ZMIZ1: variants seen among roughly 807,000 people sequenced by gnomAD.
The protein encoded by ZMIZ1 is zinc finger MIZ domain-containing protein 1.
A neutral mutation model predicts 113.9 loss-of-function variants in ZMIZ1; 17 were observed. The ratio of observed to expected loss-of-function variants is 0.15; its 90% CI spans 0.10 to 0.22. The LOEUF (loss-of-function observed/expected upper bound fraction) is 0.22, where lower values mean the gene tolerates loss of function less well. ZMIZ1 is among the 10% of genes least tolerant of loss of function. The pLI is 1.00. For synonymous variants in ZMIZ1, 607 were observed against 603.1 expected, an observed-to-expected ratio of 1.01 and a Z score of -0.09; for missense variants, 1,059 against 1,477.8, an observed-to-expected ratio of 0.72 and a Z score of 4.65.
In ZMIZ1 at chr10:79,311,178, G is replaced by A. The variant is rs771723915; in HGVS notation, c.3090G>A (p.Ser1030=). Residue 1030 remains serine (S), a synonymous_variant, in exon 24 of 25, where the codon TCG becomes TCA. Coordinates refer to ENST00000334512, the MANE Select transcript of ZMIZ1 (RefSeq NM_020338.4). ...GAGCGTCCGACATGCCGGAGCCTTC[G>A]CTGGATGTAAGTTGGGGTCGCCACT... is the stretch of plus-strand genomic sequence containing the variant. ...AQGASDMPEP[S]LDLLPELTNP... The A allele has an allele frequency of 1.4e-5, 23 of 1,609,774 alleles. No homozygotes were observed. Among genetic ancestry groups the A allele is most frequent in the East Asian group, 4.5e-5 (2 of 44,794 alleles).
rs552721154 is a variant in ZMIZ1, at chr10:79,270,393, G to A, written c.281-6788G>A. On this transcript the variant is annotated intron_variant, in intron 7 of 24. Coordinates refer to ENST00000334512, the MANE Select transcript of ZMIZ1 (RefSeq NM_020338.4). Reference sequence around the variant, plus strand: ...ACCACAGGGTCACTGGCTAGTGTTGGTGCTGCCTTCGCCATAGCATCCTTG... The same window carrying A: ...ACCACAGGGTCACTGGCTAGTGTTGATGCTGCCTTCGCCATAGCATCCTTG... Among the ~76,000 whole-genome samples, 3 of 152,306 alleles carry A rather than the reference G, an allele frequency of 2.0e-5. No homozygotes were observed. In the East Asian group the frequency reaches 5.8e-4, roughly 29 times the overall value.
intron 10 of ZMIZ1, among the ~76,000 whole-genome samples, chr10:79,291,907 G>A (rs913977286): frequency 3.3e-5 from 5 of 152,204 alleles, no homozygotes; most frequent in African/African-American, 1.2e-4. Flanking sequence ...GAGACTCAGT[G>A]TCCTTCAGAA....
rs186991601 is a variant in ZMIZ1 at position 79,079,640 on chromosome 10, G to C, written c.-337+10370G>C. Among the ~76,000 whole-genome samples the C allele has an allele frequency of 7.6e-5, 9 of 118,446 alleles. No homozygotes were observed. In the Admixed American group the frequency reaches 8.0e-4, roughly 11 times the overall value. 77.7% of individuals were successfully genotyped at this position (118,446 alleles called of 152,430 possible). ...GGCCACAGGGCCTGGCACTGGGGCCGGGGGGGTCCAGGGAATGATGAGTGA... is the reference window on the plus strand; with the variant it reads ...GGCCACAGGGCCTGGCACTGGGGCCCGGGGGGTCCAGGGAATGATGAGTGA... On this transcript the variant is annotated intron_variant, in intron 1 of 24. Transcript: ENST00000334512.
At chr10:79,156,873 T>C (rs921151383) in intron 3 of ZMIZ1, among the ~76,000 whole-genome samples, 3 of 152,216 alleles carry the variant, frequency 2.0e-5, no homozygotes, top group Non-Finnish European at 2.9e-5. Flanking sequence ...ACCAAGTCCC[T>C]GGGTTCAGCT....
intron 4 of ZMIZ1, among the ~76,000 whole-genome samples, chr10:79,177,243 C>CA (rs1564700360): frequency 6.6e-6 from 1 of 152,210 alleles, no homozygotes; most frequent in African/African-American, 2.4e-5. Context: ...AGCACCGCCA[C>CA]AAAAACAGTG....
chr10:79,221,557 T>C (rs1363258113), intron 7 of ZMIZ1, among the ~76,000 whole-genome samples: 1 of 147,714 alleles, frequency 6.8e-6, no homozygotes, highest in Non-Finnish European at 1.5e-5. Context: ...ACCCCCACCT[T>C]CCATGCCAGC....
intron 1 of ZMIZ1, among the ~76,000 whole-genome samples, chr10:79,105,120 CA>C (rs1458029015): frequency 6.6e-6 from 1 of 152,268 alleles, no homozygotes; most frequent in African/African-American, 2.4e-5. Context: ...TTCCCGAGCC[CA>C]ATGTGTTAGT....
At chr10:79,250,970 T>A (rs1850516679) in intron 7 of ZMIZ1, among the ~76,000 whole-genome samples, 1 of 152,140 alleles carries the variant, frequency 6.6e-6, no homozygotes, top group Non-Finnish European at 1.5e-5. Flanking sequence ...AAGACCATCC[T>A]GGGGAACAGA....
intron 7 of ZMIZ1, among the ~76,000 whole-genome samples, chr10:79,251,352 G>A (rs1850545812): frequency 6.6e-6 from 1 of 152,200 alleles, no homozygotes; most frequent in Non-Finnish European, 1.5e-5. Context: ...CTTGAGCACA[G>A]TGCTGGGATC....
intron 8 of ZMIZ1, among the ~76,000 whole-genome samples, chr10:79,280,981 CTCA>C (rs1278233380): frequency 1.3e-5 from 2 of 152,218 alleles, no homozygotes; most frequent in Admixed American, 6.5e-5. Flanking sequence ...TCATCCTCCT[CTCA>C]TCATCCTATG....
At chr10:79,102,015 C>T (rs1373576654) in intron 1 of ZMIZ1, among the ~76,000 whole-genome samples, 5 of 152,220 alleles carry the variant, frequency 3.3e-5, no homozygotes, top group Non-Finnish European at 7.3e-5. Flanking sequence ...AGGGACCTCA[C>T]GTGGGTCAGG....
intron 3 of ZMIZ1, among the ~76,000 whole-genome samples, chr10:79,146,684 G>A (rs907105577): frequency 2.6e-5 from 4 of 152,234 alleles, no homozygotes; most frequent in African/African-American, 9.6e-5. Context: ...GGTGGGGAGG[G>A]CGGAAGGAAA....
intron 3 of ZMIZ1, among the ~76,000 whole-genome samples, chr10:79,158,739 G>A (rs1306322575): frequency 6.6e-6 from 1 of 152,198 alleles, no homozygotes; most frequent in Non-Finnish European, 1.5e-5. Flanking sequence ...TGGAGGTGGG[G>A]CTGGGAAGGT....
intron 1 of ZMIZ1, among the ~76,000 whole-genome samples, chr10:79,089,938 C>G (rs1368334904): frequency 6.6e-6 from 1 of 152,362 alleles, no homozygotes; most frequent in East Asian, 1.9e-4. Flanking sequence ...GCTCTCCTTT[C>G]AAGCTGTCAC....
chr10:79,172,379 G>A (rs1047320271), intron 4 of ZMIZ1, among the ~76,000 whole-genome samples: 2 of 152,172 alleles, frequency 1.3e-5, no homozygotes, highest in African/African-American at 4.8e-5. Context: ...TGGCATGTCT[G>A]TCACTGAAGA....
chr10:79,184,378 A>T (rs537307998), intron 4 of ZMIZ1, among the ~76,000 whole-genome samples: 1 of 152,308 alleles, frequency 6.6e-6, no homozygotes, highest in Admixed American at 6.5e-5. Context: ...TGGCTCTGCC[A>T]TGCACTTACT....
chr10:79,094,699 T>C (rs929819446), intron 1 of ZMIZ1, among the ~76,000 whole-genome samples: 4 of 152,194 alleles, frequency 2.6e-5, no homozygotes, highest in African/African-American at 9.7e-5. Context: ...CTCTAATCCC[T>C]GCACTTTGGG....
rs769011212 is a variant in ZMIZ1, at chr10:79,307,560, A to G, written c.2824A>G (p.Met942Val). The change falls in exon 23 of 25, where the codon ATG becomes GTG. Residue 942 changes from methionine (M) to valine (V), a missense_variant. Transcript: ENST00000334512. ...CCTCGAGAAACCCCTCAGCCACCCC[A>G]TGCAGGAAACTGTGAGTACCTCCTC... ...AALEKPLSHPMQETMPHAGSS... is the reference protein window; with the variant it reads ...AALEKPLSHPVQETMPHAGSS... 3.8e-6 allele frequency: 6 copies of G among 1,561,672 alleles called. No individual in the cohort carries two copies. The highest frequency in any genetic ancestry group is 4.3e-6 in the Non-Finnish European group (5 of 1,156,374).
intron 4 of ZMIZ1, among the ~76,000 whole-genome samples, chr10:79,188,502 T>A (rs971952183): frequency 6.6e-6 from 1 of 152,250 alleles, no homozygotes; most frequent in African/African-American, 2.4e-5. Context: ...GACATGATAC[T>A]GGATTCAGAA....
Sources: gnomAD v4.1 joint callset for allele counts (sites outside exome capture counted in the v4.1 genomes callset) on GRCh38, gnomAD v4.1.1 for gene constraint, MANE v1.5 for transcripts, NCBI Gene and HGNC (gene_info 2026-07-23, HGNC 2026-07-21) for gene names.